Variants in JAZF1 observed in about 807,000 individuals in gnomAD.
JAZF1 encodes juxtaposed with another zinc finger protein 1.
JAZF1 carries 8 observed loss-of-function variants against 26.4 expected under a neutral mutation model. The ratio of observed to expected loss-of-function variants is 0.30; its 90% CI spans 0.18 to 0.55. JAZF1 has a LOEUF of 0.55. Among genes scored for constraint, JAZF1 ranks in the 20% least tolerant of loss-of-function variants. JAZF1 has a pLI of 0.94. For missense variants in JAZF1, 199 were observed against 322.0 expected, an observed-to-expected ratio of 0.62 and a Z score of 2.92; for synonymous variants, 126 against 122.3, an observed-to-expected ratio of 1.03 and a Z score of -0.20.
At chr7:28,101,332 G>A (rs78823938) in intron 1 of JAZF1, among the ~76,000 whole-genome samples, 12,177 of 152,026 alleles carry the variant, frequency 0.08, 744 homozygotes, top group South Asian at 0.21. Context: ...GTTATACAAC[G>A]TGTTATATAT....
intron 3 of JAZF1, among the ~76,000 whole-genome samples, chr7:27,869,674 C>T (rs1054750166): frequency 2.0e-5 from 3 of 152,176 alleles, no homozygotes; most frequent in Admixed American, 6.5e-5. Context: ...GATGTCCCAC[C>T]TGCCACTCGT....
chr7:28,178,112 T>C (rs1783574894), intron 1 of JAZF1, among the ~76,000 whole-genome samples: 1 of 152,224 alleles, frequency 6.6e-6, no homozygotes, highest in Non-Finnish European at 1.5e-5. Flanking sequence ...GTAAACTTAA[T>C]TTTTCCACAT....
At chr7:27,925,111 T>G (rs1163566511) in intron 2 of JAZF1, among the ~76,000 whole-genome samples, 1 of 152,242 alleles carries the variant, frequency 6.6e-6, no homozygotes, top group East Asian at 1.9e-4. Flanking sequence ...GGAAAATACC[T>G]GGACTTCTAT....
At chr7:28,109,745 C>T (rs554344902) in intron 1 of JAZF1, among the ~76,000 whole-genome samples, 12 of 152,296 alleles carry the variant, frequency 7.9e-5, no homozygotes, top group Non-Finnish European at 1.5e-4. Context: ...TTCCATCACC[C>T]ACTCTGCCAA....
intron 2 of JAZF1, among the ~76,000 whole-genome samples, chr7:27,930,227 C>T (rs983125409): frequency 1.3e-5 from 2 of 152,272 alleles, no homozygotes; most frequent in African/African-American, 4.8e-5. Flanking sequence ...AATCTCCTGA[C>T]CTCATGATCC....
chr7:27,935,617 A>G (rs1312990923), intron 2 of JAZF1, among the ~76,000 whole-genome samples: 5 of 152,228 alleles, frequency 3.3e-5, no homozygotes, highest in Admixed American at 6.5e-5. Context: ...ACTAGGTTGT[A>G]TTGATGGCTG....
intron 1 of JAZF1, among the ~76,000 whole-genome samples, chr7:28,148,276 G>T (rs1783057365): frequency 6.6e-6 from 1 of 152,044 alleles, no homozygotes; most frequent in Non-Finnish European, 1.5e-5. Flanking sequence ...TCACCATGTT[G>T]GCCAGGCTGG....
At chr7:27,933,002 G>A (rs1784708752) in intron 2 of JAZF1, among the ~76,000 whole-genome samples, 1 of 152,154 alleles carries the variant, frequency 6.6e-6, no homozygotes, top group South Asian at 2.1e-4. Flanking sequence ...GAGCATAAAG[G>A]CAGGCCAGGA....
At chr7:27,885,994 AC>A (rs1783855309) in intron 3 of JAZF1, among the ~76,000 whole-genome samples, 2 of 152,228 alleles carry the variant, frequency 1.3e-5, no homozygotes, top group South Asian at 4.1e-4. Context: ...TAACCTGACA[AC>A]ATAAGCCATT....
chr7:28,090,430 C>T (rs981642852), intron 1 of JAZF1, among the ~76,000 whole-genome samples: 4 of 152,228 alleles, frequency 2.6e-5, no homozygotes, highest in Non-Finnish European at 5.9e-5. Context: ...TTTTTCATAA[C>T]TTTAAACATT....
At chr7:28,135,646 GCAAAAGAAAGCTT>G (rs1337062608) in intron 1 of JAZF1, among the ~76,000 whole-genome samples, 1 of 152,150 alleles carries the variant, frequency 6.6e-6, no homozygotes, top group Non-Finnish European at 1.5e-5. Flanking sequence ...GTTTTCAAGG[GCAAAAGAAAGCTT>G]CAAAAGAGGC....
chr7:27,937,630 G>GA, intron 2 of JAZF1, among the ~76,000 whole-genome samples: 1 of 151,820 alleles, frequency 6.6e-6, no homozygotes, highest in Non-Finnish European at 1.5e-5. Context: ...TTATAAACAA[G>GA]AAAAAAAATT....
At chr7:27,839,297 G>A (rs899888459) in intron 4 of JAZF1, among the ~76,000 whole-genome samples, 3 of 152,216 alleles carry the variant, frequency 2.0e-5, no homozygotes, top group Non-Finnish European at 2.9e-5. Context: ...AGACCGCAGT[G>A]GTGGGGAGGA....
At chr7:27,954,245 C>T (rs1331766481) in intron 2 of JAZF1, among the ~76,000 whole-genome samples, 1 of 152,214 alleles carries the variant, frequency 6.6e-6, no homozygotes, top group Non-Finnish European at 1.5e-5. Flanking sequence ...CTTCTTCCTG[C>T]TGCCTTTCAC....
At chr7:28,110,508 GGAAAGGA>G (rs1784633380) in intron 1 of JAZF1, among the ~76,000 whole-genome samples, 28 of 87,910 alleles carry the variant, frequency 3.2e-4, no homozygotes, top group Middle Eastern at 6.0e-3. Context: ...GAAAGGAAAA[GGAAAGGA>G]AAAGGAAAAG....
intron 2 of JAZF1, among the ~76,000 whole-genome samples, chr7:27,938,295 T>C (rs1471202622): frequency 2.0e-5 from 3 of 152,230 alleles, no homozygotes; most frequent in African/African-American, 7.2e-5. Flanking sequence ...GGAGCATGGT[T>C]TGTTTTGTTC....
At chr7:28,172,539 T>C (rs1783485888) in intron 1 of JAZF1, among the ~76,000 whole-genome samples, 1 of 152,208 alleles carries the variant, frequency 6.6e-6, no homozygotes, top group Non-Finnish European at 1.5e-5. Flanking sequence ...TTTCTAATAG[T>C]ATATTTGTAT....
At chr7:28,124,574 C>T (rs932772844) in intron 1 of JAZF1, among the ~76,000 whole-genome samples, 3 of 152,202 alleles carry the variant, frequency 2.0e-5, no homozygotes, top group Admixed American at 1.3e-4. Context: ...CAGAACTTGA[C>T]TGCAGGGCCA....
rs368149397 is a variant in JAZF1 at position 28,172,774 on chromosome 7, C to T, written c.115+7689G>A. Reference sequence around the variant, plus strand: ...TGTAAGGACCCCAGGTAAGCTGGCACGGTGGGTGGCGATCCTATGAAGCAA... The same window carrying T: ...TGTAAGGACCCCAGGTAAGCTGGCATGGTGGGTGGCGATCCTATGAAGCAA... On this transcript the variant is annotated intron_variant, in intron 1 of 4. Coordinates refer to ENST00000283928, the MANE Select transcript of JAZF1 (RefSeq NM_175061.4). Among the ~76,000 whole-genome samples the T allele has an allele frequency of 8.5e-5, 13 of 152,236 alleles. No individual in the cohort carries two copies. The East Asian group carries it at 1.7e-3, about 20-fold the overall frequency.
Sources: allele counts gnomAD v4.1 joint callset (sites outside exome capture counted in the v4.1 genomes callset), GRCh38; gene constraint gnomAD v4.1.1; transcripts MANE v1.5; gene names NCBI Gene and HGNC (gene_info 2026-07-23, HGNC 2026-07-21).